LAMA4: variants seen among roughly 807,000 people sequenced by gnomAD.
LAMA4 encodes the protein laminin subunit alpha 4.
Under a neutral mutation model 207.1 loss-of-function variants are expected in LAMA4, and 127 were observed. The ratio of observed to expected loss-of-function variants is 0.61; its 90% CI spans 0.53 to 0.71. LAMA4 has a LOEUF of 0.71. Among genes scored for constraint, LAMA4 ranks in the 30% least tolerant of loss-of-function variants. LAMA4 has a pLI of 0.00. For missense variants in LAMA4, 2,093 were observed against 2,246.5 expected (o/e 0.93, Z 1.38); for synonymous variants, 761 against 816.0 (o/e 0.93, Z 1.15).
At chr6:112,147,095 A>G (rs562109202) in intron 18 of LAMA4, among the ~76,000 whole-genome samples, 4 of 152,182 alleles carry the variant, frequency 2.6e-5, no homozygotes, top group Admixed American at 6.5e-5. Context: ...AGCACAGTAA[A>G]CAATTTCAAT....
chr6:112,187,615 A>C lies in LAMA4; in HGVS notation c.815-14T>G. 6.2e-7 allele frequency: 1 copy of C among 1,612,974 alleles called. No individual in the cohort carries two copies. Among genetic ancestry groups the C allele is most frequent in the Non-Finnish European group, 8.5e-7 (1 of 1,179,552 alleles). On this transcript the variant is annotated splice_polypyrimidine_tract_variant and intron_variant, in intron 7 of 38. Transcript: ENST00000230538. ...ACTTATCACAGCCTGGAGGTGAAAC[A>C]TTTCTTCAGAATCACAAGTCAAAAG...
chr6:112,178,514 G>A, intron 9 of LAMA4: 2 of 409,954 alleles, frequency 4.9e-6, no homozygotes, highest in Non-Finnish European at 9.1e-6. Context: ...TTAGACTTTG[G>A]TGCACCCATC....
chr6:112,117,977 G>A lies in LAMA4; in HGVS notation c.4822-79C>T. The A allele has an allele frequency of 8.3e-7, 1 of 1,200,968 alleles. No homozygotes were observed. Among genetic ancestry groups the A allele is most frequent in the Non-Finnish European group, 1.2e-6 (1 of 810,122 alleles). The allele number at this position is 1,200,968 out of a possible 1,614,324, so 74.4% of individuals were successfully genotyped here. A position where few individuals can be genotyped will look rare whatever the true frequency, so the allele number is the denominator to read the frequency against. On this transcript the variant is annotated intron_variant, in intron 34 of 38. Coordinates refer to ENST00000230538, the MANE Select transcript of LAMA4 (RefSeq NM_001105206.3). The surrounding 1 kb of genome is among the most constrained non-coding windows in gnomAD (Gnocchi z 4.5). ...GGGGAAGCAAAATGAGGGGGTTTGA[G>A]TCCTGAAGGAACCCACGTAATTCCT...
intron 13 of LAMA4, 143 bp from the exon 14 acceptor site, chr6:112,159,023 T>C (rs1554337708): frequency 1.4e-5 from 9 of 652,742 alleles, no homozygotes; most frequent in Non-Finnish European, 8.1e-6. Flanking sequence ...TAAAATACTG[T>C]AAGTATATGT....
Position 112,184,951 on chromosome 6 carries a change from G to A in LAMA4, c.1077+286C>T, listed in dbSNP as rs75033695. Among the ~76,000 whole-genome samples, 891 of 152,268 alleles carry A rather than the reference G, an allele frequency of 5.9e-3. 5 individuals carry two copies. Among genetic ancestry groups the A allele is most frequent in the African/African-American group, 0.02 (844 of 41,548 alleles). On this transcript the variant is annotated intron_variant, in intron 9 of 38. Transcript: ENST00000230538. ...AAGATGCCTTGGCAAACACCTGAAT[G>A]ACCATCCTAATTAAACAAATCAACC...
chr6:112,132,719 AAAG>A, intron 28 of LAMA4, 31 bp downstream of exon 28: 2 of 1,600,124 alleles, frequency 1.2e-6, no homozygotes, highest in Non-Finnish European at 1.7e-6. Context: ...CAATTATCAC[AAAG>A]AAGTTTCCTC....
At chr6:112,160,825 C>A (rs1368915595) in intron 13 of LAMA4, among the ~76,000 whole-genome samples, 1 of 152,190 alleles carries the variant, frequency 6.6e-6, no homozygotes, top group Non-Finnish European at 1.5e-5. Context: ...TATTCTAATC[C>A]ATTCTCCACT....
At chr6:112,212,021 G>C (rs1421082967) in intron 3 of LAMA4, among the ~76,000 whole-genome samples, 1 of 151,948 alleles carries the variant, frequency 6.6e-6, no homozygotes, top group African/African-American at 2.4e-5. Context: ...ATAGAAGAGA[G>C]CTCTCTCCTA....
chr6:112,125,873 C>G (rs1554327558), intron 31 of LAMA4, among the ~76,000 whole-genome samples: 1 of 152,162 alleles, frequency 6.6e-6, no homozygotes, highest in East Asian at 1.9e-4. Context: ...TTATTACAAT[C>G]CCAATTGCTT....
rs1201712752 is a variant in LAMA4, at chr6:112,207,084, T to C, written c.359A>G (p.Asp120Gly). ...GAATTGGGGTGCTCCCCTGATGGAA[T>C]CTCCGATATAACCATCCAGACACTT... ...CEKCLDGYIG[D>G]SIRGAPQFCQ... The change falls in exon 4 of 39, where the codon GAT becomes GGT. Residue 120 changes from aspartate (D) to glycine (G), a missense_variant. By Grantham distance (94) the Asp-to-Gly change is moderately conservative. Around this residue, in one of 3 missense-constraint regions of LAMA4, gnomAD observed 1,704 missense variants for 1,788.4 expected, o/e 0.95. Transcript: ENST00000230538. 6.2e-7 allele frequency: 1 copy of C among 1,613,976 alleles called. No homozygotes were observed. Among genetic ancestry groups the C allele is most frequent in the Non-Finnish European group, 8.5e-7 (1 of 1,179,934 alleles).
chr6:112,135,521 A>G (rs1166769881), intron 25 of LAMA4, among the ~76,000 whole-genome samples: 9 of 152,218 alleles, frequency 5.9e-5, no homozygotes, highest in African/African-American at 1.9e-4. Flanking sequence ...TTTTGGTTCA[A>G]CTTAAAAGAT....
At chr6:112,248,493 T>G (rs1787173653) in intron 2 of LAMA4, among the ~76,000 whole-genome samples, 1 of 120,800 alleles carries the variant, frequency 8.3e-6, no homozygotes, top group African/African-American at 3.3e-5. Context: ...AGGGAGACTC[T>G]GTCTCAAAAA....
intron 15 of LAMA4, 90 bp from the exon 16 acceptor site, chr6:112,155,037 G>A (rs1376800995): frequency 4.6e-6 from 4 of 874,980 alleles, no homozygotes; most frequent in Non-Finnish European, 7.8e-6. Context: ...CAGTTTATCT[G>A]CTAAACACCA....
chr6:112,134,814 T>C lies in LAMA4; in HGVS notation c.3415-205A>G, dbSNP rs550899840. 2.6e-5 allele frequency among the ~76,000 whole-genome samples: 4 copies of C among 152,284 alleles called. No homozygotes were observed. In the East Asian group the frequency reaches 7.7e-4, roughly 29 times the overall value. The stretch of plus-strand genomic sequence containing the variant: ...TCTACAAGCAGCAGTTCACACTTTC[T>C]GGGAAAGGAGGTCTGTATGAAGAGG... On this transcript the variant is annotated intron_variant, in intron 25 of 38. Coordinates refer to ENST00000230538, the MANE Select transcript of LAMA4 (RefSeq NM_001105206.3).
chr6:112,116,752 ATTAG>A (rs1444611111), intron 35 of LAMA4, among the ~76,000 whole-genome samples: 4 of 152,108 alleles, frequency 2.6e-5, no homozygotes, highest in Non-Finnish European at 4.4e-5. Context: ...TTTTCCTGTT[ATTAG>A]TTAGTGCTCA....
At position 112,139,843 on chromosome 6, in the gene LAMA4, C is replaced by T; in HGVS notation, c.3019G>A (p.Glu1007Lys). The T allele has an allele frequency of 1.2e-6, 2 of 1,614,018 alleles. No individual in the cohort carries two copies. Among genetic ancestry groups the T allele is most frequent in the Non-Finnish European group, 1.7e-6 (2 of 1,179,948 alleles). The change falls in exon 23 of 39, where the codon GAA becomes AAA. Residue 1007 changes from glutamate (E) to lysine (K), a missense_variant. Glu to Lys is a moderately conservative substitution (Grantham distance 56, BLOSUM62 1). Transcript: ENST00000230538. Reference protein sequence around the residue: ...LNLPGFVGCLELATLNNDVIS... With the variant: ...LNLPGFVGCLKLATLNNDVIS... ...ACATCATTATTCAAAGTGGCCAGTTCCAGGCAGCCAACAAAGCCAGGCAGG... is the reference window on the plus strand; with the variant it reads ...ACATCATTATTCAAAGTGGCCAGTTTCAGGCAGCCAACAAAGCCAGGCAGG...
At chr6:112,246,137 C>T (rs1384132960) in intron 2 of LAMA4, among the ~76,000 whole-genome samples, 1 of 152,032 alleles carries the variant, frequency 6.6e-6, no homozygotes, top group South Asian at 2.1e-4. Flanking sequence ...TTAACTTTAC[C>T]ACACCAAGAG....
chr6:112,130,298 TTTTGTGTGTG>T (rs1362437591), intron 29 of LAMA4: 3 of 459,260 alleles, frequency 6.5e-6, no homozygotes, highest in African/African-American at 3.2e-5. Context: ...TCAGCATTAT[TTTTGTGTGTG>T]TGTGTGTGTG....
chr6:112,150,713 T>C (rs546530788), intron 16 of LAMA4, 86 bp from the exon 17 acceptor site: 2 of 900,162 alleles, frequency 2.2e-6, no homozygotes, highest in South Asian at 2.6e-5. Flanking sequence ...TTCTCATTTG[T>C]ACGATGCAGT....
Sources: allele counts gnomAD v4.1 joint callset (sites outside exome capture counted in the v4.1 genomes callset), GRCh38; gene constraint gnomAD v4.1.1; regional missense constraint gnomAD v4.1.1; non-coding constraint Gnocchi (gnomAD v3.1); transcripts MANE v1.5; gene names NCBI Gene and HGNC (gene_info 2026-07-23, HGNC 2026-07-21).